The following KCNIP4 variants were observed in gnomAD, a reference collection of about 807,000 sequenced individuals.
KCNIP4 encodes Kv channel-interacting protein 4.
KCNIP4 carries 12 observed loss-of-function variants against 34.0 expected under a neutral mutation model. The observed-to-expected ratio is 0.35, with a 90% CI of 0.23 to 0.57. KCNIP4 has a LOEUF of 0.57. KCNIP4 is among the 20% of genes least tolerant of loss of function. The pLI is 0.83. For missense variants in KCNIP4, 238 were observed against 311.7 expected (o/e 0.76, Z 1.78); for synonymous variants, 124 against 102.2 (o/e 1.21, Z -1.29).
chr4:20,915,107 T>C (rs1382683211), intron 1 of KCNIP4, among the ~76,000 whole-genome samples: 2 of 152,226 alleles, frequency 1.3e-5, no homozygotes, highest in Non-Finnish European at 2.9e-5. Flanking sequence ...CTCATCAGTT[T>C]ATAATCTTCT....
chr4:20,737,012 A>G (rs1421490566), intron 5 of KCNIP4, among the ~76,000 whole-genome samples: 1 of 152,224 alleles, frequency 6.6e-6, no homozygotes, highest in African/African-American at 2.4e-5. Context: ...GTCTGTGGCC[A>G]ATTGATTTTC....
chr4:20,964,062 A>T (rs919500834), intron 1 of KCNIP4, among the ~76,000 whole-genome samples: 1 of 152,214 alleles, frequency 6.6e-6, no homozygotes, highest in Admixed American at 6.5e-5. Context: ...ATACACTACA[A>T]AAGAATTGCC....
intron 1 of KCNIP4, among the ~76,000 whole-genome samples, chr4:20,925,723 C>G (rs1313348238): frequency 6.6e-6 from 1 of 152,074 alleles, no homozygotes; most frequent in Non-Finnish European, 1.5e-5. Flanking sequence ...TCCCGTAGCA[C>G]TAGGACTTAT....
chr4:20,853,690 C>G (rs943684936), intron 2 of KCNIP4, among the ~76,000 whole-genome samples: 3 of 152,070 alleles, frequency 2.0e-5, no homozygotes, highest in African/African-American at 4.8e-5. Flanking sequence ...GCAAAAGGAA[C>G]AGTCAGCAGA....
intron 1 of KCNIP4, among the ~76,000 whole-genome samples, chr4:21,380,380 G>A (rs924917424): frequency 1.4e-5 from 2 of 146,914 alleles, no homozygotes; most frequent in Non-Finnish European, 3.0e-5. Context: ...TTACCCATAG[G>A]TTGTGAGTGT....
intron 1 of KCNIP4, among the ~76,000 whole-genome samples, chr4:21,689,251 C>T (rs957751281): frequency 6.6e-6 from 1 of 152,044 alleles, no homozygotes; most frequent in Non-Finnish European, 1.5e-5. Context: ...TTCCTAATTA[C>T]CAGGAAGCAT....
At chr4:21,590,400 G>A (rs1425947668) in intron 1 of KCNIP4, among the ~76,000 whole-genome samples, 2 of 151,940 alleles carry the variant, frequency 1.3e-5, no homozygotes, top group African/African-American at 4.8e-5. Flanking sequence ...TGTTTAAAGA[G>A]TATGAATAAT....
At chr4:21,289,633 T>C (rs574370631) in intron 1 of KCNIP4, among the ~76,000 whole-genome samples, 45 of 152,326 alleles carry the variant, frequency 3.0e-4, no homozygotes, top group African/African-American at 1.1e-3. Flanking sequence ...GATTCCTGCC[T>C]AGTAAGCCAT....
chr4:20,849,887 G>T (rs1359082193), intron 3 of KCNIP4, among the ~76,000 whole-genome samples: 1 of 152,170 alleles, frequency 6.6e-6, no homozygotes, highest in Non-Finnish European at 1.5e-5. Context: ...GCAGCATCTA[G>T]TTTAACCCTT....
rs982405622 is a variant in KCNIP4 at position 21,533,631 on chromosome 4, C to T, written c.61+414940G>A. 2.6e-5 allele frequency among the ~76,000 whole-genome samples: 4 copies of T among 152,154 alleles called. No homozygotes were observed. In the East Asian group the frequency reaches 7.7e-4, roughly 29 times the overall value. ...TTTATTTGTGGGGTAAGTATGGATACTTAATAAGGAAAAACAGAAAAAAAC... is the reference window on the plus strand; with the variant it reads ...TTTATTTGTGGGGTAAGTATGGATATTTAATAAGGAAAAACAGAAAAAAAC... On this transcript the variant is annotated intron_variant, in intron 1 of 8. Transcript: ENST00000382152.
chr4:21,800,349 T>C (rs950695871), intron 1 of KCNIP4, among the ~76,000 whole-genome samples: 5 of 152,218 alleles, frequency 3.3e-5, no homozygotes, highest in African/African-American at 9.6e-5. Flanking sequence ...TTGTTTTACA[T>C]TTGCTTTCTT....
At chr4:21,295,714 T>G (rs1263283146) in intron 1 of KCNIP4, among the ~76,000 whole-genome samples, 1 of 152,190 alleles carries the variant, frequency 6.6e-6, no homozygotes, top group African/African-American at 2.4e-5. Context: ...GACAACCCTT[T>G]GATAAATAAC....
At chr4:20,746,255 A>C (rs1160782750) in intron 5 of KCNIP4, among the ~76,000 whole-genome samples, 1 of 152,162 alleles carries the variant, frequency 6.6e-6, no homozygotes, top group African/African-American at 2.4e-5. Context: ...CGTCATTCTC[A>C]GCAAACTATC....
At chr4:21,286,078 A>G (rs1763104360) in intron 1 of KCNIP4, among the ~76,000 whole-genome samples, 1 of 152,170 alleles carries the variant, frequency 6.6e-6, no homozygotes, top group African/African-American at 2.4e-5. Flanking sequence ...TGCCATTTAC[A>G]TGTAGATACA....
intron 1 of KCNIP4, among the ~76,000 whole-genome samples, chr4:21,862,977 A>AAAG: frequency 6.6e-6 from 1 of 151,522 alleles, no homozygotes; most frequent in Admixed American, 6.6e-5. Flanking sequence ...AGAAAAAAAA[A>AAAG]GAATTAAGGT....
chr4:21,077,582 G>C (rs1745603307), intron 1 of KCNIP4, among the ~76,000 whole-genome samples: 1 of 152,044 alleles, frequency 6.6e-6, no homozygotes, highest in African/African-American at 2.4e-5. Flanking sequence ...TTACTTACTA[G>C]CTATGTGACT....
chr4:20,814,761 A>G (rs929218188), intron 3 of KCNIP4, among the ~76,000 whole-genome samples: 2 of 152,220 alleles, frequency 1.3e-5, no homozygotes, highest in African/African-American at 4.8e-5. Flanking sequence ...ATCAGAATCC[A>G]CTAGTTGCCT....
At chr4:21,484,037 G>C (rs571090254) in intron 1 of KCNIP4, among the ~76,000 whole-genome samples, 2 of 151,788 alleles carry the variant, frequency 1.3e-5, no homozygotes, top group African/African-American at 4.8e-5. Flanking sequence ...CCAGTTGCAG[G>C]TATTTCTTTG....
chr4:21,089,156 T>C (rs1474533747), intron 1 of KCNIP4, among the ~76,000 whole-genome samples: 1 of 152,208 alleles, frequency 6.6e-6, no homozygotes, highest in Non-Finnish European at 1.5e-5. Flanking sequence ...TCTTGGATTG[T>C]ATTCTCCAAT....
Sources: gnomAD v4.1 joint callset for allele counts (sites outside exome capture counted in the v4.1 genomes callset) on GRCh38, gnomAD v4.1.1 for gene constraint, MANE v1.5 for transcripts, NCBI Gene and HGNC (gene_info 2026-07-23, HGNC 2026-07-21) for gene names.